Variants in RRP7A observed in about 807,000 individuals in gnomAD.
The protein encoded by RRP7A is ribosomal RNA processing 7 homolog A, also known as ribosomal RNA-processing protein 7 homolog A.
RRP7A carries 27 observed loss-of-function variants against 38.4 expected under a neutral mutation model. The observed-to-expected ratio is 0.70, with a 90% CI of 0.52 to 0.97. The LOEUF is 0.97. Ranked by LOEUF, RRP7A falls within the 50% of genes least tolerant of loss-of-function variation. RRP7A has a pLI of 0.00. For missense variants in RRP7A, 327 were observed against 375.4 expected (o/e 0.87, Z 1.07); for synonymous variants, 124 against 150.3 (o/e 0.83, Z 1.28).
rs1407272541 is a variant in RRP7A, at chr22:42,516,037, T to G, written c.316A>C (p.Lys106Gln). 1.1e-5 allele frequency: 17 copies of G among 1,606,144 alleles called. No homozygotes were observed. The highest frequency in any genetic ancestry group is 1.3e-5 in the Non-Finnish European group (15 of 1,175,202). ...GGAACTGGCTTGGGATGAAAAAACT[T>G]CGACCTTGACTCCTTTGGGCTCTCA... ...LAESPKESRS[K>Q]FFHPKPVPGF... is the part of the protein sequence containing the mutation. The change falls in exon 3 of 7, where the codon AAG (lysine) becomes CAG (glutamine). Residue 106 changes from lysine to glutamine, a missense_variant. Lys to Gln is a moderately conservative substitution (Grantham distance 53, BLOSUM62 1). Coordinates refer to ENST00000323013, the MANE Select transcript of RRP7A (RefSeq NM_015703.5).
chr22:42,514,518 A>G (rs565044231), intron 5 of RRP7A, among the ~76,000 whole-genome samples, 164 bp downstream of exon 5: 1 of 152,200 alleles, frequency 6.6e-6, no homozygotes, highest in Non-Finnish European at 1.5e-5. Context: ...TGTGGAGACT[A>G]CATGTGTCAC....
chr22:42,518,147 G>C lies in RRP7A; in HGVS notation c.74C>G (p.Ala25Gly). The change falls in exon 2 of 7, where the codon GCT becomes GGT. Residue 25 changes from alanine to glycine, a missense_variant and splice_region_variant. Ala to Gly is a moderately conservative substitution (Grantham distance 60). Coordinates refer to ENST00000323013, the MANE Select transcript of RRP7A (RefSeq NM_015703.5). Reference protein sequence around the residue: ...DRIPSPLGYAAIPIKFSEKQQ... With the variant: ...DRIPSPLGYAGIPIKFSEKQQ... ...CTTTTCAGAGAACTTGATTGGAATA[G>C]CTGGAAAGGAAATGGGAGGGGAGGG... 1 of 1,611,318 alleles carries C rather than the reference G, an allele frequency of 6.2e-7. No homozygotes were observed. The highest frequency in any genetic ancestry group is 1.1e-5 in the South Asian group (1 of 90,938).
At chr22:42,518,544 C>G (rs1457963953) in intron 1 of RRP7A, 8 of 442,450 alleles carry the variant, frequency 1.8e-5, no homozygotes, top group African/African-American at 1.4e-4. Flanking sequence ...TCTGTTCCCC[C>G]GGGTACACCA....
chr22:42,508,939 G>C lies in RRP7A; in HGVS notation c.*3971C>G. 1 of 1,592,312 alleles carries C rather than the reference G, an allele frequency of 6.3e-7. No homozygotes were observed. The highest frequency in any genetic ancestry group is 8.6e-7 in the Non-Finnish European group (1 of 1,166,612). On this transcript the variant is annotated 3_prime_UTR_variant, in exon 7 of 7. Transcript: ENST00000323013. ...TGGGTGGCTAAGGTGCCCTCGCCAG[G>C]GCTTAGCCACCCCAACAGAGATGGG...
In RRP7A at chr22:42,514,798, G is replaced by A; in HGVS notation, c.461-19C>T. 1 of 1,578,948 alleles carries A rather than the reference G, an allele frequency of 6.3e-7. No homozygotes were observed. The highest frequency in any genetic ancestry group is 2.3e-5 in the East Asian group (1 of 43,618). On this transcript the variant is annotated intron_variant, in intron 4 of 6. Coordinates refer to ENST00000323013, the MANE Select transcript of RRP7A (RefSeq NM_015703.5). The stretch of plus-strand genomic sequence containing the variant: ...ATCCACTCTGAGGAAAAGGGAGCCA[G>A]GGAAACGGGGCTTCCTCAGGCCTGG...
chr22:42,519,361 C>T (rs1055563438), intron 1 of RRP7A, among the ~76,000 whole-genome samples: 1 of 151,972 alleles, frequency 6.6e-6, no homozygotes, highest in African/African-American at 2.4e-5. Flanking sequence ...CAGGTAAGAG[C>T]TGATGGGGGA....
At chr22:42,516,309 G>A (rs1419969250) in intron 2 of RRP7A, 173 bp from the exon 3 acceptor site, 4 of 819,094 alleles carry the variant, frequency 4.9e-6, no homozygotes, top group East Asian at 2.9e-5. Flanking sequence ...GTTCCCCAGG[G>A]ACAATATGGA....
chr22:42,511,985 G>A lies in RRP7A; in HGVS notation c.*925C>T. The A allele has an allele frequency of 1.4e-6, 1 of 704,722 alleles. No individual in the cohort carries two copies. The highest frequency in any genetic ancestry group is 2.5e-6 in the Non-Finnish European group (1 of 393,504). 43.7% of individuals were successfully genotyped at this position (704,722 alleles called of 1,614,324 possible). A position where few individuals can be genotyped will look rare whatever the true frequency, so the allele number is the denominator to read the frequency against. On this transcript the variant is annotated 3_prime_UTR_variant, in exon 7 of 7. Transcript: ENST00000323013. ...GGGGCTCCAAGGAGCCGAGTGTGGG[G>A]GAAACTCACTGTGGGAGGCGCTCCT...
rs180946598 is a variant in RRP7A at position 42,509,153 on chromosome 22, A to G, written c.*3757T>C. 7.9e-4 allele frequency: 1,270 copies of G among 1,612,946 alleles called. 20 individuals are homozygous for G. In the African/African-American group the frequency reaches 0.015, roughly 19 times the overall value. On this transcript the variant is annotated 3_prime_UTR_variant, in exon 7 of 7. Coordinates refer to ENST00000323013, the MANE Select transcript of RRP7A (RefSeq NM_015703.5). ...CCCTTCAGTCACCCCCCAAGGAGAC[A>G]TGGGCGCCAGGAATCTCTGGGAGGG...
intron 2 of RRP7A, among the ~76,000 whole-genome samples, chr22:42,517,214 G>A (rs1920932461): frequency 6.6e-6 from 1 of 151,858 alleles, no homozygotes; most frequent in African/African-American, 2.4e-5. Flanking sequence ...GGAAGCGGAG[G>A]TTGCAGTGAG....
At chr22:42,517,076 G>C (rs1031111855) in intron 2 of RRP7A, among the ~76,000 whole-genome samples, 3 of 151,958 alleles carry the variant, frequency 2.0e-5, no homozygotes, top group African/African-American at 7.3e-5. Context: ...TCAGCAGTTC[G>C]AGACCAGCCT....
In RRP7A at chr22:42,512,918, G is replaced by A; in HGVS notation, c.835C>T (p.Pro279Ser). The change falls in exon 7 of 7, where the codon CCG (proline) becomes TCG (serine). Residue 279 changes from proline to serine, a missense_variant. Pro to Ser is a moderately conservative substitution (Grantham distance 74, BLOSUM62 -1). This residue lies in a region of RRP7A where 84 missense variants were observed against 82.8 expected (regional missense o/e 1.01). Coordinates refer to ENST00000323013, the MANE Select transcript of RRP7A (RefSeq NM_015703.5). ...ACTGCGGCTCTCACAGCTCAGTACG[G>A]TCGGAATTTGCGCTGGGCCCGCAGC... ...ELLRAQRKFR[P>S]Y 6.2e-7 allele frequency: 1 copy of A among 1,613,414 alleles called. No individual in the cohort carries two copies. The highest frequency in any genetic ancestry group is 8.5e-7 in the Non-Finnish European group (1 of 1,179,614).
chr22:42,519,220 G>C (rs1251795687), intron 1 of RRP7A, among the ~76,000 whole-genome samples: 1 of 150,190 alleles, frequency 6.7e-6, no homozygotes, highest in Admixed American at 6.7e-5. Context: ...TAGGTGTGGC[G>C]CCTATCGTGG....
Position 42,509,787 on chromosome 22 carries a change from G to A in RRP7A, c.*3123C>T, listed in dbSNP as rs147833148. ...ACGTTCAAGTCCAAATAGGACACAC[G>A]GCAGAGACAAAGCCAGGTCATGGTT... On this transcript the variant is annotated 3_prime_UTR_variant, in exon 7 of 7. Coordinates refer to ENST00000323013, the MANE Select transcript of RRP7A (RefSeq NM_015703.5). 7.6e-6 allele frequency among the ~76,000 whole-genome samples: 1 copy of A among 131,760 alleles called. No homozygotes were observed. Among genetic ancestry groups the A allele is most frequent in the African/African-American group, 2.7e-5 (1 of 37,208 alleles). 86.4% of individuals were successfully genotyped at this position (131,760 alleles called of 152,430 possible). A position where few individuals can be genotyped will look rare whatever the true frequency, so the allele number is the denominator to read the frequency against.
rs1056681821 is a variant in RRP7A, at chr22:42,513,076, C to T, written c.758-81G>A. 30 of 1,171,112 alleles carry T rather than the reference C, an allele frequency of 2.6e-5. No homozygotes were observed. The African/African-American group carries it at 4.2e-4, about 16-fold the overall frequency. The allele number at this position is 1,171,112 out of a possible 1,614,324, so 72.5% of individuals were successfully genotyped here. A position where few individuals can be genotyped will look rare whatever the true frequency, so the allele number is the denominator to read the frequency against. On this transcript the variant is annotated intron_variant, in intron 6 of 6. Transcript: ENST00000323013. ...GCTTGCTCATGCCCCACCCCTCCTCCCAGTTACTGTGGGGGTGGGGCTATG... is the reference window on the plus strand; with the variant it reads ...GCTTGCTCATGCCCCACCCCTCCTCTCAGTTACTGTGGGGGTGGGGCTATG...
chr22:42,510,480 C>G lies in RRP7A; in HGVS notation c.*2430G>C, dbSNP rs1932422426. On this transcript the variant is annotated 3_prime_UTR_variant, in exon 7 of 7. Transcript: ENST00000323013. ...AGCTGAGATTAACTGAGCCTCAAAT[C>G]CAACCCAGGGTCAAGGGACCCAGCT... The G allele has an allele frequency of 2.9e-6, 1 of 342,814 alleles. No individual in the cohort carries two copies. Among genetic ancestry groups the G allele is most frequent in the Admixed American group, 4.9e-5 (1 of 20,600 alleles). The allele number at this position is 342,814 out of a possible 1,614,324, so 21.2% of individuals were successfully genotyped here.
At chr22:42,519,219 C>T (rs2146625874) in intron 1 of RRP7A, among the ~76,000 whole-genome samples, 1 of 150,314 alleles carries the variant, frequency 6.7e-6, no homozygotes, top group Non-Finnish European at 1.5e-5. Context: ...GTAGGTGTGG[C>T]GCCTATCGTG....
rs62239687 is a variant in RRP7A at position 42,512,897 on chromosome 22, C to T, written c.*13G>A. 2.5e-5 allele frequency: 40 copies of T among 1,610,870 alleles called. 1 individual carries two copies. The highest frequency in any genetic ancestry group is 1.7e-4 in the Middle Eastern group (1 of 5,972). ...GCCCTGCACCTCCAGCCATTCACTG[C>T]GGCTCTCACAGCTCAGTACGGTCGG... On this transcript the variant is annotated 3_prime_UTR_variant, in exon 7 of 7. Transcript: ENST00000323013.
At chr22:42,519,059 G>A (rs1225859677) in intron 1 of RRP7A, among the ~76,000 whole-genome samples, 2 of 148,580 alleles carry the variant, frequency 1.3e-5, no homozygotes, top group Non-Finnish European at 1.5e-5. Context: ...CACAGCACGT[G>A]CAAAAACCCA....
Sources: allele counts gnomAD v4.1 joint callset (sites outside exome capture counted in the v4.1 genomes callset), GRCh38; gene constraint gnomAD v4.1.1; regional missense constraint gnomAD v4.1.1; transcripts MANE v1.5; gene names NCBI Gene and HGNC (gene_info 2026-07-23, HGNC 2026-07-21).